The following PPM1L variants were observed in gnomAD, a reference collection of about 807,000 sequenced individuals.
The protein encoded by PPM1L is protein phosphatase 1L.
PPM1L carries 13 observed loss-of-function variants against 31.4 expected under a neutral mutation model. The ratio of observed to expected loss-of-function variants is 0.41; its 90% confidence interval spans 0.27 to 0.66. The LOEUF (loss-of-function observed/expected upper bound fraction) is 0.66. Ranked by LOEUF, PPM1L falls within the 30% of genes least tolerant of loss-of-function variation. The probability of loss-of-function intolerance (pLI) is 0.29; values close to 1 mark genes in which losing one functional copy is unlikely to be tolerated. For synonymous variants in PPM1L, 184 were observed against 175.4 expected (o/e 1.05, Z -0.39); for missense variants, 326 against 453.7 (o/e 0.72, Z 2.56).
At chr3:160,803,517 A>T (rs1210603383) in intron 1 of PPM1L, among the ~76,000 whole-genome samples, 1 of 105,630 alleles carries the variant, frequency 9.5e-6, no homozygotes, top group Non-Finnish European at 1.7e-5. Flanking sequence ...GTCATATTTT[A>T]GAGAGATCAC....
intron 1 of PPM1L, among the ~76,000 whole-genome samples, chr3:160,896,519 A>G (rs1374790): frequency 0.75 from 114,202 of 152,004 alleles, 43,254 homozygotes; most frequent in Middle Eastern, 0.83. Context: ...AACCAACTTT[A>G]AAGATAAAAA....
chr3:160,818,590 G>A (rs1235950118), intron 1 of PPM1L, among the ~76,000 whole-genome samples: 1 of 151,960 alleles, frequency 6.6e-6, no homozygotes, highest in Non-Finnish European at 1.5e-5. Flanking sequence ...TAGCAGTTGT[G>A]CTATTAAAAA....
chr3:161,042,890 G>C (rs1718951700), intron 2 of PPM1L, among the ~76,000 whole-genome samples: 1 of 151,792 alleles, frequency 6.6e-6, no homozygotes, highest in Admixed American at 6.6e-5. Context: ...CGTAGTGGCA[G>C]GCTCCTGTAA....
At chr3:160,788,023 A>G (rs138320968) in intron 1 of PPM1L, among the ~76,000 whole-genome samples, 1 of 152,204 alleles carries the variant, frequency 6.6e-6, no homozygotes, top group East Asian at 1.9e-4. Flanking sequence ...GTAGCCTTGT[A>G]ATATAGTTTG....
chr3:160,805,487 C>T (rs1431852815), intron 1 of PPM1L, among the ~76,000 whole-genome samples: 5 of 152,062 alleles, frequency 3.3e-5, no homozygotes, highest in Non-Finnish European at 7.4e-5. Flanking sequence ...TTTGGGAAGC[C>T]GAGGCAGGTG....
Position 161,048,842 on chromosome 3 carries a change from A to G in PPM1L, c.575-16561A>G, listed in dbSNP as rs964636771. On this transcript the variant is annotated intron_variant, in intron 2 of 3. Transcript: ENST00000498165. ...AACTATCACAAGGACAAAAAACCAA[A>G]CACTGCATGTTCTCACTTATAAGTG... Among the ~76,000 whole-genome samples, 4 of 148,914 alleles carry G rather than the reference A, an allele frequency of 2.7e-5. No homozygotes were observed. In the East Asian group the frequency reaches 6.1e-4, roughly 23 times the overall value.
At chr3:160,799,285 GC>G (rs2108077120) in intron 1 of PPM1L, among the ~76,000 whole-genome samples, 1 of 152,308 alleles carries the variant, frequency 6.6e-6, no homozygotes, top group Non-Finnish European at 1.5e-5. Context: ...AGCATCATAT[GC>G]TACAGAGAAA....
At chr3:160,974,385 C>G (rs1351989776) in intron 2 of PPM1L, among the ~76,000 whole-genome samples, 1 of 152,008 alleles carries the variant, frequency 6.6e-6, no homozygotes, top group Non-Finnish European at 1.5e-5. Context: ...GGGTGTATAT[C>G]CAGTAATGGG....
chr3:161,044,604 A>C (rs1443031675), intron 2 of PPM1L, among the ~76,000 whole-genome samples: 3 of 151,892 alleles, frequency 2.0e-5, no homozygotes, highest in African/African-American at 7.3e-5. Flanking sequence ...CCTGCCCTAC[A>C]AGAGCTCCTG....
At chr3:160,958,011 T>G (rs902934590) in intron 1 of PPM1L, among the ~76,000 whole-genome samples, 1 of 152,240 alleles carries the variant, frequency 6.6e-6, no homozygotes, top group African/African-American at 2.4e-5. Flanking sequence ...TGGGGTTGTC[T>G]TTTTCTTGTA....
chr3:160,998,529 T>C (rs931085728), intron 2 of PPM1L, among the ~76,000 whole-genome samples: 3 of 152,160 alleles, frequency 2.0e-5, no homozygotes, highest in African/African-American at 7.2e-5. Context: ...ATCATTACCT[T>C]CTTCAGGGTC....
In PPM1L at chr3:161,054,300, A is replaced by C. The variant is rs371157726; in HGVS notation, c.575-11103A>C. ...CCAGTCAGGTTTTAGGGCTGCTACC[A>C]GTCTCTCCATGAAATAGAAACCCCC... On this transcript the variant is annotated intron_variant, in intron 2 of 3. Coordinates refer to ENST00000498165, the MANE Select transcript of PPM1L (RefSeq NM_139245.4). Among the ~76,000 whole-genome samples, 32 of 151,136 alleles carry C rather than the reference A, an allele frequency of 2.1e-4. 1 individual carries two copies. In the South Asian group the frequency reaches 6.7e-3, roughly 31 times the overall value.
At chr3:160,840,889 C>T (rs1156345795) in intron 1 of PPM1L, among the ~76,000 whole-genome samples, 2 of 152,160 alleles carry the variant, frequency 1.3e-5, no homozygotes, top group Non-Finnish European at 2.9e-5. Context: ...GGATGGTGCC[C>T]ACCCACTTTG....
chr3:160,925,543 G>A (rs1050639947), intron 1 of PPM1L, among the ~76,000 whole-genome samples: 13 of 152,198 alleles, frequency 8.5e-5, no homozygotes, highest in African/African-American at 3.1e-4. Flanking sequence ...GTGTTCTCAG[G>A]AGGCTGTTTT....
At chr3:160,904,036 G>T (rs1713659025) in intron 1 of PPM1L, among the ~76,000 whole-genome samples, 1 of 152,148 alleles carries the variant, frequency 6.6e-6, no homozygotes, top group African/African-American at 2.4e-5. Flanking sequence ...TGTCTTGGAT[G>T]AAACTACTCT....
chr3:160,931,045 T>C (rs1312665010), intron 1 of PPM1L, among the ~76,000 whole-genome samples: 3 of 152,342 alleles, frequency 2.0e-5, no homozygotes, highest in African/African-American at 7.2e-5. Flanking sequence ...AATGCATTTC[T>C]AAGCTGAGAG....
Position 160,944,767 on chromosome 3 carries a change from CATGTT to C in PPM1L, c.400-16966_400-16962del, listed in dbSNP as rs1306193142. Among the ~76,000 whole-genome samples, 4 of 48,764 alleles carry C rather than the reference CATGTT, an allele frequency of 8.2e-5. 1 individual carries two copies. Among genetic ancestry groups the C allele is most frequent in the Non-Finnish European group, 1.4e-4 (2 of 14,618 alleles). 32.0% of individuals were successfully genotyped at this position (48,764 alleles called of 152,430 possible). A position where few individuals can be genotyped will look rare whatever the true frequency, so the allele number is the denominator to read the frequency against. ...TATATAATATATATGTTATATATAA[CATGTT>C]ATATATTATATTATATATGTTATAT... On this transcript the variant is annotated intron_variant, in intron 1 of 3. Coordinates refer to ENST00000498165, the MANE Select transcript of PPM1L (RefSeq NM_139245.4).
chr3:160,794,797 A>C (rs906145600), intron 1 of PPM1L, among the ~76,000 whole-genome samples: 1 of 152,222 alleles, frequency 6.6e-6, no homozygotes, highest in African/African-American at 2.4e-5. Context: ...AATCGCAAGA[A>C]AATCTCAGAA....
chr3:161,068,403 G>C (rs1369851582), intron 3 of PPM1L, among the ~76,000 whole-genome samples: 2 of 152,128 alleles, frequency 1.3e-5, no homozygotes, highest in South Asian at 4.2e-4. Context: ...GCACACTTAT[G>C]AGTGGCCTCA....
Sources: allele counts gnomAD v4.1 joint callset (sites outside exome capture counted in the v4.1 genomes callset), GRCh38; gene constraint gnomAD v4.1.1; transcripts MANE v1.5; gene names NCBI Gene and HGNC (gene_info 2026-07-23, HGNC 2026-07-21).